SPTAN1: variants seen among roughly 807,000 people sequenced by gnomAD.
SPTAN1 encodes the protein spectrin alpha, non-erythrocytic 1, also known as spectrin alpha chain, non-erythrocytic 1.
A neutral mutation model predicts 331.3 loss-of-function variants in SPTAN1; 61 were observed. That is an observed-to-expected ratio of 0.18 (90% CI 0.15 to 0.23). The LOEUF is 0.23. SPTAN1 is among the 10% of genes least tolerant of loss of function. The pLI, the probability that SPTAN1 is intolerant of heterozygous loss-of-function variation, is 1.00. For missense variants in SPTAN1, 2,043 were observed against 3,147.9 expected, an observed-to-expected ratio of 0.65 and a Z score of 8.40; for synonymous variants, 1,153 against 1,173.9, an observed-to-expected ratio of 0.98 and a Z score of 0.36.
chr9:128,586,112 G>GTTTTTTTTTTTTTTTTTTTTTTTTT (rs35434571), intron 19 of SPTAN1, 147 bp downstream of exon 19: 1 of 206,702 alleles, frequency 4.8e-6, no homozygotes, highest in Non-Finnish European at 8.5e-6. Flanking sequence ...TTTTCACTTG[G>GTTTTTTTTTTTTTTTTTTTTTTTTT]TTTTTTTTTT....
rs781437907 is a variant in SPTAN1 at position 128,584,293 on chromosome 9, T to C, written c.2205T>C (p.Asp735=). 1.2e-5 allele frequency: 19 copies of C among 1,614,086 alleles called. No individual in the cohort carries two copies. The African/African-American group carries it at 1.5e-4, about 12-fold the overall frequency. The change falls in exon 17 of 57, where the codon GAT becomes GAC. Residue 735 remains aspartate, a synonymous_variant. Coordinates refer to ENST00000372739, the MANE Select transcript of SPTAN1 (RefSeq NM_001130438.3). ...ADVAAHQDRI[D]GITIQARQFQ... ...TTTTGCATTCCCAGGACCGAATTGA[T>C]GGCATCACCATTCAGGCCCGCCAGT...
Position 128,585,757 on chromosome 9 carries a change from C to T in SPTAN1, c.2570C>T (p.Ala857Val), listed in dbSNP as rs2131193011. Residue 857 changes from alanine to valine, a missense_variant, in exon 19 of 57, where the codon GCT becomes GTT. By Grantham distance (64) the Ala-to-Val change is moderately conservative. Around this residue, in one of 12 missense-constraint regions of SPTAN1, gnomAD observed 1,038 missense variants for 1,531.5 expected, o/e 0.68. Coordinates refer to ENST00000372739, the MANE Select transcript of SPTAN1 (RefSeq NM_001130438.3). ...GNAMVEEGHF[A>V]AEDVKAKLHE... ...CCTACCCATCTTCCAGGCCATTTTG[C>T]TGCAGAGGATGTGAAGGCCAAGCTT... 1.9e-6 allele frequency: 3 copies of T among 1,614,058 alleles called. No homozygotes were observed. In the South Asian group the frequency reaches 3.3e-5, roughly 18 times the overall value.
intron 44 of SPTAN1, among the ~76,000 whole-genome samples, chr9:128,619,676 A>T (rs967846460): frequency 3.3e-5 from 5 of 152,104 alleles, no homozygotes; most frequent in Non-Finnish European, 7.4e-5. Flanking sequence ...ACCTTTGCAG[A>T]GGACATTTGC....
chr9:128,600,143 T>A (rs1342306087), intron 27 of SPTAN1, 28 bp downstream of exon 27: 5 of 1,612,550 alleles, frequency 3.1e-6, no homozygotes, highest in Non-Finnish European at 4.2e-6. Context: ...AATTATTGTT[T>A]TCAAGAGTTT....
rs966915663 is a variant in SPTAN1 at position 128,633,481 on chromosome 9, C to A, written c.*147C>A. On this transcript the variant is annotated 3_prime_UTR_variant, in exon 57 of 57. Transcript: ENST00000372739. The stretch of plus-strand genomic sequence containing the variant: ...TAGGAGAAAATGGTGCTTCACTAAC[C>A]CGCTTCCGGTCCAGTCACAATCATC... 1.5e-6 allele frequency: 2 copies of A among 1,357,336 alleles called. No homozygotes were observed. The highest frequency in any genetic ancestry group is 1.4e-5 in the African/African-American group (1 of 70,170). 84.1% of individuals were successfully genotyped at this position (1,357,336 alleles called of 1,614,324 possible).
At chr9:128,584,996 C>G in intron 18 of SPTAN1, among the ~76,000 whole-genome samples, 153 bp downstream of exon 18, 1 of 151,484 alleles carries the variant, frequency 6.6e-6, no homozygotes. Context: ...CAGACCTTAC[C>G]CTTTCTGAGC....
chr9:128,594,501 G>T, intron 24 of SPTAN1, 128 bp downstream of exon 24: 1 of 882,378 alleles, frequency 1.1e-6, no homozygotes, highest in Non-Finnish European at 1.7e-6. Flanking sequence ...TATGACTTCG[G>T]CTCACTGCAA....
chr9:128,631,763 G>C, intron 52 of SPTAN1: 1 of 261,074 alleles, frequency 3.8e-6, no homozygotes, highest in South Asian at 4.6e-5. Context: ...GGAGGTTGCA[G>C]TGAGCGTGAT....
chr9:128,633,659 C>T lies in SPTAN1; in HGVS notation c.*325C>T. The T allele has an allele frequency of 6.8e-7, 1 of 1,464,164 alleles. No homozygotes were observed. Among genetic ancestry groups the T allele is most frequent in the Non-Finnish European group, 9.3e-7 (1 of 1,076,248 alleles). 90.7% of individuals were successfully genotyped at this position (1,464,164 alleles called of 1,614,324 possible). A position where few individuals can be genotyped will look rare whatever the true frequency, so the allele number is the denominator to read the frequency against. ...AAGACAAATAAATGATGACTTCCCC[C>T]AAAGCTTTGCTTTTCTTCATTTGGC... is the stretch of plus-strand genomic sequence containing the variant. On this transcript the variant is annotated 3_prime_UTR_variant, in exon 57 of 57. Transcript: ENST00000372739.
rs781083220 is a variant in SPTAN1 at position 128,618,029 on chromosome 9, A to G, written c.5521A>G (p.Ile1841Val). 8.1e-6 allele frequency: 13 copies of G among 1,613,936 alleles called. No individual in the cohort carries two copies. In the Middle Eastern group the frequency reaches 4.9e-4, roughly 61 times the overall value. Residue 1841 changes from isoleucine (I) to valine (V), a missense_variant, in exon 43 of 57, where the codon ATC becomes GTC. Physicochemically the swap from Ile to Val is conservative, Grantham distance 29. This residue lies in a region of SPTAN1 where 323 missense variants were observed against 581.1 expected (regional missense o/e 0.56). Coordinates refer to ENST00000372739, the MANE Select transcript of SPTAN1 (RefSeq NM_001130438.3). ...TGKKLSDDNT[I>V]GKEEIQQRLA... ...CAAGAAGCTGTCCGATGACAACACCATCGGGAAAGAGGAGATCCAGCAGCG... is the reference window on the plus strand; with the variant it reads ...CAAGAAGCTGTCCGATGACAACACCGTCGGGAAAGAGGAGATCCAGCAGCG...
At chr9:128,612,967 C>G (rs910300206) in intron 39 of SPTAN1, among the ~76,000 whole-genome samples, 1 of 151,778 alleles carries the variant, frequency 6.6e-6, no homozygotes, top group Non-Finnish European at 1.5e-5. Flanking sequence ...GTAAGTTTAT[C>G]ATAGAGCCAT....
At chr9:128,619,978 G>A (rs117336504) in intron 44 of SPTAN1, among the ~76,000 whole-genome samples, 4 of 152,318 alleles carry the variant, frequency 2.6e-5, no homozygotes, top group East Asian at 1.9e-4. Context: ...TTGTCATCCA[G>A]CCTGGACATC....
In SPTAN1 at chr9:128,582,810, C is replaced by T. The variant is rs770796456; in HGVS notation, c.1767C>T (p.Val589=). 2 of 1,613,548 alleles carry T rather than the reference C, an allele frequency of 1.2e-6. No individual in the cohort carries two copies. The highest frequency in any genetic ancestry group is 1.7e-6 in the Non-Finnish European group (2 of 1,180,038). The change falls in exon 14 of 57, where the codon GTC becomes GTT. Residue 589 remains valine, a synonymous_variant. Coordinates refer to ENST00000372739, the MANE Select transcript of SPTAN1 (RefSeq NM_001130438.3). ...ATTCTGATGAGCTCAAGAGTTGGGT[C>T]AATGAGAAGATGAAAACTGCCACAG... ...FRDSDELKSW[V]NEKMKTATDE... is the part of the protein sequence containing the mutation.
At chr9:128,618,312 G>A (rs1352536207) in intron 43 of SPTAN1, among the ~76,000 whole-genome samples, 1 of 152,066 alleles carries the variant, frequency 6.6e-6, no homozygotes, top group Non-Finnish European at 1.5e-5. Context: ...CCCACTGTAT[G>A]AGTCCAGAAT....
chr9:128,559,897 G>C (rs1849098331), intron 1 of SPTAN1, among the ~76,000 whole-genome samples: 1 of 151,356 alleles, frequency 6.6e-6, no homozygotes, highest in African/African-American at 2.4e-5. Context: ...ACTATGCTTG[G>C]CTACTTTTTG....
chr9:128,622,407 C>T (rs1470019654), intron 45 of SPTAN1, among the ~76,000 whole-genome samples: 1 of 149,254 alleles, frequency 6.7e-6, no homozygotes, highest in Non-Finnish European at 1.5e-5. Context: ...TGAAACGATG[C>T]TTCTGCCTCA....
intron 49 of SPTAN1, 116 bp downstream of exon 49, chr9:128,626,803 T>C: frequency 8.7e-7 from 1 of 1,155,962 alleles, no homozygotes; most frequent in Non-Finnish European, 1.2e-6. Context: ...AGGAGCATGG[T>C]TTCATCAGAA....
At chr9:128,573,187 T>G (rs1445746507) in intron 3 of SPTAN1, among the ~76,000 whole-genome samples, 3 of 152,184 alleles carry the variant, frequency 2.0e-5, no homozygotes, top group Non-Finnish European at 4.4e-5. Flanking sequence ...GGCATTGAGG[T>G]TGGATTGGAA....
At position 128,575,353 on chromosome 9, in the gene SPTAN1, G is replaced by A; in HGVS notation, c.651+8G>A. 6.2e-7 allele frequency: 1 copy of A among 1,609,650 alleles called. No homozygotes were observed. Among genetic ancestry groups the A allele is most frequent in the Non-Finnish European group, 8.5e-7 (1 of 1,179,928 alleles). On this transcript the variant is annotated splice_region_variant and intron_variant, in intron 5 of 56. Transcript: ENST00000372739. ...GCTGCCAAACTCATACAGGTAAATAGCAAAGTGCTGTATGCTTCTCACAAC... is the reference window on the plus strand; with the variant it reads ...GCTGCCAAACTCATACAGGTAAATAACAAAGTGCTGTATGCTTCTCACAAC...
Sources: gnomAD v4.1 joint callset for allele counts (sites outside exome capture counted in the v4.1 genomes callset) on GRCh38, gnomAD v4.1.1 for gene constraint, gnomAD v4.1.1 regional missense constraint, MANE v1.5 for transcripts, NCBI Gene and HGNC (gene_info 2026-07-23, HGNC 2026-07-21) for gene names.